Variants in PM20D1 observed in about 807,000 individuals in gnomAD.
PM20D1 encodes the protein peptidase M20 domain containing 1.
A neutral mutation model predicts 53.8 loss-of-function variants in PM20D1; 53 were observed. The ratio of observed to expected loss-of-function variants is 0.98; its 90% CI spans 0.79 to 1.24. The LOEUF is 1.24. Among genes scored for constraint, PM20D1 ranks in the 50% most tolerant of loss-of-function variants. PM20D1 has a pLI of 0.00. For synonymous variants in PM20D1, 239 were observed against 241.3 expected (o/e 0.99, Z 0.09); for missense variants, 564 against 616.8 (o/e 0.91, Z 0.91).
chr1:205,841,995 G>T, intron 8 of PM20D1, 106 bp from the exon 9 acceptor site: 1 of 1,231,702 alleles, frequency 8.1e-7, no homozygotes, highest in Non-Finnish European at 1.2e-6. Flanking sequence ...TTAAGACTGA[G>T]AGAGACGTCT....
rs375544300 is a variant in PM20D1 at position 205,849,931 on chromosome 1, G to T, written c.142C>A (p.Arg48Ser). The change falls in exon 1 of 13, where the codon CGC (arginine) becomes AGC (serine). Residue 48 changes from arginine to serine, a missense_variant. Physicochemically the swap from Arg to Ser is moderately radical, Grantham distance 110 (BLOSUM62 -1). Coordinates refer to ENST00000367136, the MANE Select transcript of PM20D1 (RefSeq NM_152491.5). Reference sequence around the variant, plus strand: ...TTCAGCGCCTCTTTCATCGCGACGCGTTCCTCTTTGCTGAACTGAGAAGGG... The same window carrying T: ...TTCAGCGCCTCTTTCATCGCGACGCTTTCCTCTTTGCTGAACTGAGAAGGG... Reference protein sequence around the residue: ...RIPSQFSKEERVAMKEALKGA... With the variant: ...RIPSQFSKEESVAMKEALKGA... 22 of 1,613,426 alleles carry T rather than the reference G, an allele frequency of 1.4e-5. No individual in the cohort carries two copies. The African/African-American group carries it at 1.9e-4, about 14-fold the overall frequency.
At position 205,844,829 on chromosome 1, in the gene PM20D1, A is replaced by G. The variant is rs1385742079; in HGVS notation, c.558T>C (p.Ser186=). 1.2e-6 allele frequency: 2 copies of G among 1,614,012 alleles called. No homozygotes were observed. Among genetic ancestry groups the G allele is most frequent in the Admixed American group, 3.3e-5 (2 of 60,028 alleles). The change falls in exon 4 of 13, where the codon TCT becomes TCC. Residue 186 remains serine (S), a synonymous_variant. Transcript: ENST00000367136. ...GCTCTACCTCCTCATCATGGCCCAG[A>G]GAAATGAAGAAAGATCTTCGGGGGA... The part of the protein sequence containing the change: ...KYIPRRSFFI[S]LGHDEESSGT...
chr1:205,845,482 T>C lies in PM20D1; in HGVS notation c.332A>G (p.Gln111Arg). 6.2e-7 allele frequency: 1 copy of C among 1,614,186 alleles called. No homozygotes were observed. The highest frequency in any genetic ancestry group is 8.5e-7 in the Non-Finnish European group (1 of 1,180,034). Residue 111 changes from glutamine (Q) to arginine (R), a missense_variant, in exon 3 of 13, where the codon CAA becomes CGA. By Grantham distance (43) the Gln-to-Arg change is conservative (BLOSUM62 1). Transcript: ENST00000367136. ...GGGCTGCAAGCTGGGGTCCGAGCCT[T>C]GGATAGTGAACAGGTGGCTATACTC... is the stretch of plus-strand genomic sequence containing the variant. The part of the protein sequence containing the change: ...VEEYSHLFTI[Q>R]GSDPSLQPYL...
In PM20D1 at chr1:205,842,750, A is replaced by G. The variant is rs780500656; in HGVS notation, c.829T>C (p.Leu277=). The G allele has an allele frequency of 8.1e-6, 13 of 1,613,782 alleles. No homozygotes were observed. The East Asian group carries it at 2.0e-4, about 25-fold the overall frequency. The change falls in exon 7 of 13, where the codon TTG becomes CTG. Residue 277 remains leucine, a splice_region_variant and synonymous_variant. Transcript: ENST00000367136. ...ATGATAGGCATTGGTGTCTGCTCCA[A>G]TCTGGAAGAGAAACAGAGTCCTCAA... ...IGILAAAVSR[L]EQTPMPIIFG...
chr1:205,842,045 C>T, intron 8 of PM20D1, 109 bp downstream of exon 8: 1 of 1,247,306 alleles, frequency 8.0e-7, no homozygotes, highest in South Asian at 1.3e-5. Flanking sequence ...GATGCAGTAT[C>T]TGGTGGCTGA....
At chr1:205,839,617 G>A (rs1026750040) in intron 10 of PM20D1, among the ~76,000 whole-genome samples, 3 of 151,900 alleles carry the variant, frequency 2.0e-5, no homozygotes, top group African/African-American at 4.8e-5. Context: ...AGGCCGAGGC[G>A]GGTGGCTCAC....
At chr1:205,832,238 T>G (rs1388340845) in intron 11 of PM20D1, among the ~76,000 whole-genome samples, 1 of 152,140 alleles carries the variant, frequency 6.6e-6, no homozygotes, top group Admixed American at 6.5e-5. Flanking sequence ...TTCTGAGCTC[T>G]CCTGCTGAGC....
intron 1 of PM20D1, among the ~76,000 whole-genome samples, chr1:205,848,821 A>G (rs1298268164): frequency 6.6e-6 from 1 of 152,240 alleles, no homozygotes; most frequent in East Asian, 1.9e-4. Flanking sequence ...CCCACCAGAT[A>G]GATGGGGAAG....
At chr1:205,840,845 G>T (rs1422606315) in intron 9 of PM20D1, among the ~76,000 whole-genome samples, 1 of 152,184 alleles carries the variant, frequency 6.6e-6, no homozygotes, top group African/African-American at 2.4e-5. Context: ...AGGAACAAAA[G>T]AGTGACAGAA....
chr1:205,830,072 G>A, intron 12 of PM20D1: 1 of 478,982 alleles, frequency 2.1e-6, no homozygotes, highest in Admixed American at 3.5e-5. Flanking sequence ...GTAAAAGAGG[G>A]GCCAATTTCC....
Position 205,845,421 on chromosome 1 carries a change from G to T in PM20D1, c.393C>A (p.Ala131=), listed in dbSNP as rs777086698. The T allele has an allele frequency of 1.4e-5, 23 of 1,614,032 alleles. No homozygotes were observed. The highest frequency in any genetic ancestry group is 1.8e-5 in the Non-Finnish European group (21 of 1,180,030). Residue 131 remains alanine, a synonymous_variant, in exon 3 of 13, where the codon GCC becomes GCA. Transcript: ENST00000367136. Reference sequence around the variant, plus strand: ...GGGGCACCTCCCAGCCTTCTTCAGGGGCAGGCACCACATCAAAGTGAGCCA... The same window carrying T: ...GGGGCACCTCCCAGCCTTCTTCAGGTGCAGGCACCACATCAAAGTGAGCCA... The part of the protein sequence containing the change: ...LLMAHFDVVP[A]PEEGWEVPPF...
Position 205,844,098 on chromosome 1 carries a change from C to T in PM20D1, c.696G>A (p.Lys232=), listed in dbSNP as rs1418461537. 3 of 1,612,106 alleles carry T rather than the reference C, an allele frequency of 1.9e-6. 1 individual carries two copies. In the South Asian group the frequency reaches 3.3e-5, roughly 18 times the overall value. The change falls in exon 5 of 13, where the codon AAG becomes AAA. Residue 232 remains lysine (K), a synonymous_variant. Coordinates refer to ENST00000367136, the MANE Select transcript of PM20D1 (RefSeq NM_152491.5). ...GATGCTTTACTCACAAGGCGATGGG[C>T]TTCTTGAAGTTAGGAATGAAATCAT... ...ILDDFIPNFK[K]PIALIAVSEK...
At chr1:205,838,737 A>T (rs564671109) in intron 10 of PM20D1, among the ~76,000 whole-genome samples, 7 of 152,206 alleles carry the variant, frequency 4.6e-5, no homozygotes, top group Non-Finnish European at 8.8e-5. Context: ...CCAAATTATG[A>T]TATTCTTGAA....
chr1:205,847,765 T>C (rs112268616), intron 2 of PM20D1, 120 bp downstream of exon 2: 255,148 of 709,222 alleles, frequency 0.36, 50,353 homozygotes, highest in East Asian at 0.65. Flanking sequence ...CTACTCTGCC[T>C]ATGGGAATTA....
At position 205,840,262 on chromosome 1, in the gene PM20D1, G is replaced by A. The variant is rs1477111918; in HGVS notation, c.1106C>T (p.Thr369Ile). Residue 369 changes from threonine (T) to isoleucine (I), a missense_variant, in exon 10 of 13, where the codon ACA becomes ATA. Thr to Ile is a moderately conservative substitution (Grantham distance 89). Transcript: ENST00000367136. ...TVNFRIHPGQ[T>I]VQEVLELTKN... Reference sequence around the variant, plus strand: ...ACATATGGTACATACCTCTTGGACTGTCTGTCCAGGGTGAATCCGGAAGTT... The same window carrying A: ...ACATATGGTACATACCTCTTGGACTATCTGTCCAGGGTGAATCCGGAAGTT... 2 of 1,613,584 alleles carry A rather than the reference G, an allele frequency of 1.2e-6. No homozygotes were observed. The highest frequency in any genetic ancestry group is 2.7e-5 in the African/African-American group (2 of 74,932).
chr1:205,840,379 G>A (rs886944000), intron 9 of PM20D1, 56 bp from the exon 10 acceptor site: 1 of 1,508,574 alleles, frequency 6.6e-7, no homozygotes, highest in Non-Finnish European at 9.2e-7. Flanking sequence ...TTCTACATCT[G>A]CCTGCCCAGG....
In PM20D1 at chr1:205,850,102, C is replaced by G; in HGVS notation, c.-30G>C. ...CTCTCGAGCTCCTGCTGTCAGGCTA[C>G]CGGGGTAGTTCTGACCTAAACGCCC... On this transcript the variant is annotated 5_prime_UTR_variant, in exon 1 of 13. Coordinates refer to ENST00000367136, the MANE Select transcript of PM20D1 (RefSeq NM_152491.5). 6.2e-7 allele frequency: 1 copy of G among 1,604,528 alleles called. No homozygotes were observed. The highest frequency in any genetic ancestry group is 1.1e-5 in the South Asian group (1 of 90,062).
intron 12 of PM20D1, chr1:205,830,035 C>G: frequency 2.5e-6 from 1 of 403,044 alleles, no homozygotes. Flanking sequence ...CCAGGTTCTC[C>G]CCAATCACCC....
intron 11 of PM20D1, among the ~76,000 whole-genome samples, chr1:205,831,618 C>T (rs1485975503): frequency 6.7e-6 from 1 of 148,496 alleles, no homozygotes; most frequent in African/African-American, 2.5e-5. Context: ...GGCTGGACTG[C>T]AGTGGGGCTG....
Sources: allele counts gnomAD v4.1 joint callset (sites outside exome capture counted in the v4.1 genomes callset), GRCh38; gene constraint gnomAD v4.1.1; transcripts MANE v1.5; gene names NCBI Gene and HGNC (gene_info 2026-07-23, HGNC 2026-07-21).